The following SHISA9 variants were observed in gnomAD, a reference collection of about 807,000 sequenced individuals.
The protein encoded by SHISA9 is shisa family member 9.
Under a neutral mutation model 38.0 loss-of-function variants are expected in SHISA9, and 13 were observed. The observed-to-expected ratio is 0.34, with a 90% CI of 0.22 to 0.54. SHISA9 has a LOEUF of 0.54. SHISA9 is among the 20% of genes least tolerant of loss of function. SHISA9 has a pLI of 0.91. For missense variants in SHISA9, 538 were observed against 575.8 expected, an observed-to-expected ratio of 0.93 and a Z score of 0.67; for synonymous variants, 275 against 242.0, an observed-to-expected ratio of 1.14 and a Z score of -1.27.
chr16:13,439,108 A>T, the SHISA9 span, among the ~76,000 whole-genome samples: 4 of 152,300 alleles, frequency 2.6e-5, no homozygotes, highest in East Asian at 3.9e-4. Flanking sequence ...AAAAAGTCTT[A>T]AAAAAGTCAA....
chr16:13,071,605 T>TCCCTTCCTTCCTTCCTTC, intron 2 of SHISA9, among the ~76,000 whole-genome samples: 1 of 142,252 alleles, frequency 7.0e-6, no homozygotes, highest in Admixed American at 7.3e-5. Flanking sequence ...TCCTTCCCTT[T>TCCCTTCCTTCCTTCCTTC]CTTCCCTTCC....
the SHISA9 span, among the ~76,000 whole-genome samples, chr16:13,266,026 T>C: frequency 6.6e-6 from 1 of 152,080 alleles, no homozygotes; most frequent in Non-Finnish European, 1.5e-5. Flanking sequence ...AGACAACAGA[T>C]ATAAAGTGGA....
chr16:13,208,826 A>G (rs962883706), intron 3 of SHISA9, among the ~76,000 whole-genome samples: 3 of 152,128 alleles, frequency 2.0e-5, no homozygotes, highest in Admixed American at 6.5e-5. Flanking sequence ...CCATTTGTCA[A>G]TGTATCCCCA....
chr16:13,007,173 G>A (rs964016216), intron 2 of SHISA9, among the ~76,000 whole-genome samples: 3 of 152,034 alleles, frequency 2.0e-5, no homozygotes, highest in South Asian at 2.1e-4. Flanking sequence ...AAACTCTCTC[G>A]CTTGACCTCT....
At chr16:13,225,363 G>A (rs998477183) in intron 4 of SHISA9, among the ~76,000 whole-genome samples, 8 of 152,266 alleles carry the variant, frequency 5.3e-5, no homozygotes, top group South Asian at 2.1e-4. Flanking sequence ...TTTAACAAAC[G>A]AACACACACT....
At chr16:12,963,273 C>T (rs1014874673) in intron 2 of SHISA9, among the ~76,000 whole-genome samples, 1 of 152,062 alleles carries the variant, frequency 6.6e-6, no homozygotes, top group African/African-American at 2.4e-5. Flanking sequence ...TCTGCAGGAC[C>T]CAGTATTGGG....
the SHISA9 span, among the ~76,000 whole-genome samples, chr16:13,488,431 T>G: frequency 6.6e-6 from 1 of 152,228 alleles, no homozygotes; most frequent in Admixed American, 6.5e-5. Flanking sequence ...TTCTCATGAC[T>G]AATAGCTGAT....
chr16:13,380,778 C>T, the SHISA9 span, among the ~76,000 whole-genome samples: 40 of 152,146 alleles, frequency 2.6e-4, no homozygotes, highest in Middle Eastern at 3.4e-3. Context: ...CCCATCAACC[C>T]TTCACTTTCA....
intron 2 of SHISA9, among the ~76,000 whole-genome samples, chr16:13,181,336 T>C (rs922316057): frequency 3.2e-4 from 41 of 129,870 alleles, no homozygotes; most frequent in African/African-American, 8.5e-4. Context: ...CACACACACA[T>C]ATACGAGCAA....
At chr16:13,019,804 CTTTCTTTCTTTCTTT>C (rs2072806011) in intron 2 of SHISA9, among the ~76,000 whole-genome samples, 1 of 140,278 alleles carries the variant, frequency 7.1e-6, no homozygotes, top group Non-Finnish European at 1.5e-5. Context: ...TTCTTTCTTT[CTTTCTTTCTTTCTTT>C]CTTTCTTTCT....
chr16:13,208,478 A>G (rs1441555824), intron 3 of SHISA9, among the ~76,000 whole-genome samples: 1 of 117,284 alleles, frequency 8.5e-6, no homozygotes, highest in African/African-American at 3.5e-5. Context: ...TTTGGCTCCT[A>G]TCACCCAGGC....
At chr16:13,268,125 T>C in the SHISA9 span, among the ~76,000 whole-genome samples, 3 of 152,024 alleles carry the variant, frequency 2.0e-5, no homozygotes, top group Non-Finnish European at 2.9e-5. Context: ...TCAATTCTAT[T>C]GTGATCAAAT....
At chr16:13,119,352 C>T (rs1335394975) in intron 2 of SHISA9, among the ~76,000 whole-genome samples, 1 of 152,160 alleles carries the variant, frequency 6.6e-6, no homozygotes, top group Non-Finnish European at 1.5e-5. Flanking sequence ...TTTAATAACT[C>T]ATCATACAAT....
the SHISA9 span, among the ~76,000 whole-genome samples, chr16:13,426,452 G>C: frequency 6.6e-6 from 1 of 152,136 alleles, no homozygotes; most frequent in Admixed American, 6.5e-5. Context: ...CTGGGAGATA[G>C]AGCCCCCACT....
chr16:13,558,675 A>G, the SHISA9 span, among the ~76,000 whole-genome samples: 1 of 152,248 alleles, frequency 6.6e-6, no homozygotes, highest in Non-Finnish European at 1.5e-5. Context: ...CCTTTGGAAC[A>G]CAAGGTAGCA....
chr16:13,559,533 A>C, the SHISA9 span, among the ~76,000 whole-genome samples: 1 of 151,882 alleles, frequency 6.6e-6, no homozygotes, highest in East Asian at 1.9e-4. Context: ...ATGTGACACC[A>C]TGTCTGGCTA....
intron 1 of SHISA9, among the ~76,000 whole-genome samples, chr16:12,913,086 T>C (rs1596525605): frequency 6.6e-6 from 1 of 152,162 alleles, no homozygotes; most frequent in Non-Finnish European, 1.5e-5. Flanking sequence ...AGTTCAGTGG[T>C]TTTTGGTATA....
At chr16:13,486,363 C>A in the SHISA9 span, among the ~76,000 whole-genome samples, 2 of 152,156 alleles carry the variant, frequency 1.3e-5, no homozygotes, top group Admixed American at 1.3e-4. Context: ...GACCTGAGGC[C>A]CAGCCACATT....
chr16:13,393,021 G>A, the SHISA9 span, among the ~76,000 whole-genome samples: 1 of 152,188 alleles, frequency 6.6e-6, no homozygotes, highest in South Asian at 2.1e-4. Flanking sequence ...CTAATACAAC[G>A]CCCCAGGATG....
Sources: gnomAD v4.1 joint callset for allele counts (sites outside exome capture counted in the v4.1 genomes callset) on GRCh38, gnomAD v4.1.1 for gene constraint, MANE v1.5 for transcripts, NCBI Gene and HGNC (gene_info 2026-07-23, HGNC 2026-07-21) for gene names.